Variants in VPS54 observed in about 807,000 individuals in gnomAD.
VPS54 encodes VPS54 subunit of GARP complex, also known as vacuolar protein sorting-associated protein 54.
VPS54 carries 45 observed loss-of-function variants against 121.5 expected under a neutral mutation model. The ratio of observed to expected loss-of-function variants is 0.37; its 90% CI spans 0.29 to 0.47. The LOEUF is 0.47. VPS54 is among the 20% of genes least tolerant of loss of function. The probability of loss-of-function intolerance (pLI) is 0.99; values close to 1 mark genes in which losing one functional copy is unlikely to be tolerated. For synonymous variants in VPS54, 371 were observed against 385.8 expected (o/e 0.96, Z 0.45); for missense variants, 1,090 against 1,131.4 (o/e 0.96, Z 0.52).
chr2:63,992,309 T>C (rs576149042), intron 1 of VPS54, among the ~76,000 whole-genome samples: 2 of 152,250 alleles, frequency 1.3e-5, no homozygotes, highest in South Asian at 4.2e-4. Flanking sequence ...AGTTTGAGGG[T>C]TTAGTAGATA....
intron 11 of VPS54, among the ~76,000 whole-genome samples, chr2:63,939,808 T>C (rs1674636950): frequency 6.6e-6 from 1 of 151,870 alleles, no homozygotes; most frequent in Admixed American, 6.6e-5. Flanking sequence ...GTCACCAGGC[T>C]GGAGTACAGT....
chr2:63,947,115 C>T (rs911375998), intron 9 of VPS54, among the ~76,000 whole-genome samples: 1 of 151,876 alleles, frequency 6.6e-6, no homozygotes, highest in African/African-American at 2.4e-5. Context: ...ATATGAGAAA[C>T]TGCTTATGAT....
intron 22 of VPS54, among the ~76,000 whole-genome samples, chr2:63,894,875 C>T (rs758889212): frequency 7.9e-5 from 12 of 152,052 alleles, no homozygotes; most frequent in Non-Finnish European, 1.5e-4. Flanking sequence ...TTTCATAAAT[C>T]TAGGTACAAT....
intron 1 of VPS54, among the ~76,000 whole-genome samples, chr2:64,007,297 A>T (rs535353822): frequency 3.3e-5 from 5 of 152,200 alleles, no homozygotes; most frequent in African/African-American, 4.8e-5. Context: ...GAGAAGACAG[A>T]CGAGGAGGTG....
At chr2:63,982,202 T>A (rs1010809179) in intron 2 of VPS54, among the ~76,000 whole-genome samples, 1 of 152,192 alleles carries the variant, frequency 6.6e-6, no homozygotes, top group Non-Finnish European at 1.5e-5. Context: ...TATCTTTTTT[T>A]TTCAACATCA....
At chr2:63,988,722 G>A (rs894676912) in intron 1 of VPS54, among the ~76,000 whole-genome samples, 7 of 151,838 alleles carry the variant, frequency 4.6e-5, no homozygotes, top group East Asian at 1.9e-4. Context: ...ATGTCACCTC[G>A]GGACCCTGTG....
intron 1 of VPS54, among the ~76,000 whole-genome samples, chr2:64,006,752 G>A (rs976090317): frequency 1.3e-5 from 2 of 152,104 alleles, no homozygotes; most frequent in Admixed American, 6.5e-5. Context: ...CTGAGTATCT[G>A]GGACTACAGG....
intron 5 of VPS54, among the ~76,000 whole-genome samples, chr2:63,966,362 T>C (rs1159270151): frequency 6.6e-6 from 1 of 152,224 alleles, no homozygotes; most frequent in Non-Finnish European, 1.5e-5. Context: ...TTCTATTTTC[T>C]CCTGCTCAAA....
chr2:64,000,782 C>T (rs1404252534), intron 1 of VPS54, among the ~76,000 whole-genome samples: 1 of 148,538 alleles, frequency 6.7e-6, no homozygotes, highest in Non-Finnish European at 1.5e-5. Context: ...CAGGGCAACA[C>T]AAGCACCCTG....
At chr2:64,007,516 A>G (rs2104693843) in intron 1 of VPS54, among the ~76,000 whole-genome samples, 1 of 152,336 alleles carries the variant, frequency 6.6e-6, no homozygotes, top group East Asian at 1.9e-4. Flanking sequence ...AATAATGAAG[A>G]ATTAACTACT....
intron 3 of VPS54, among the ~76,000 whole-genome samples, chr2:63,980,459 A>G (rs982868867): frequency 5.9e-5 from 9 of 152,132 alleles, no homozygotes; most frequent in African/African-American, 2.2e-4. Flanking sequence ...ATTAGGTTTA[A>G]GATTATCATC....
intron 12 of VPS54, among the ~76,000 whole-genome samples, chr2:63,925,783 A>G (rs1673871374): frequency 6.6e-6 from 1 of 152,238 alleles, no homozygotes; most frequent in South Asian, 2.1e-4. Context: ...AAAAACTGGA[A>G]AAACCAATTG....
At chr2:63,954,203 A>G (rs982946738) in intron 7 of VPS54, among the ~76,000 whole-genome samples, 62 of 152,180 alleles carry the variant, frequency 4.1e-4, no homozygotes, top group Non-Finnish European at 1.8e-4. Context: ...ACATCCTGTC[A>G]TAACACAAAG....
At chr2:63,908,010 A>C (rs1672979509) in intron 20 of VPS54, among the ~76,000 whole-genome samples, 4 of 152,190 alleles carry the variant, frequency 2.6e-5, no homozygotes. Context: ...GTTTCTTATA[A>C]AGTTACCATA....
intron 1 of VPS54, among the ~76,000 whole-genome samples, chr2:64,006,815 C>T (rs1030342050): frequency 6.6e-6 from 1 of 152,086 alleles, no homozygotes; most frequent in Non-Finnish European, 1.5e-5. Flanking sequence ...GACAGGGTTT[C>T]GCCATATTGG....
chr2:63,919,748 T>C, intron 15 of VPS54, 135 bp downstream of exon 15: 2 of 559,372 alleles, frequency 3.6e-6, no homozygotes, highest in Non-Finnish European at 6.1e-6. Context: ...AGTTTTCCTG[T>C]CAAGTATTTA....
At chr2:63,936,429 A>G (rs2104493399) in intron 11 of VPS54, among the ~76,000 whole-genome samples, 1 of 152,306 alleles carries the variant, frequency 6.6e-6, no homozygotes, top group African/African-American at 2.4e-5. Flanking sequence ...TCATGTTTCA[A>G]AAACACCAGG....
At chr2:63,915,831 C>T (rs1034591870) in intron 16 of VPS54, among the ~76,000 whole-genome samples, 6 of 152,160 alleles carry the variant, frequency 3.9e-5, no homozygotes, top group African/African-American at 1.4e-4. Context: ...TCTATACATA[C>T]TTTTTGAGTG....
intron 21 of VPS54, among the ~76,000 whole-genome samples, chr2:63,899,184 T>A (rs1447641582): frequency 6.6e-6 from 1 of 152,188 alleles, no homozygotes; most frequent in Non-Finnish European, 1.5e-5. Context: ...AACAGCGTAA[T>A]AAATGATGTA....
Sources: allele counts gnomAD v4.1 joint callset (sites outside exome capture counted in the v4.1 genomes callset), GRCh38; gene constraint gnomAD v4.1.1; transcripts MANE v1.5; gene names NCBI Gene and HGNC (gene_info 2026-07-23, HGNC 2026-07-21).